ZNF514: variants seen among roughly 807,000 people sequenced by gnomAD.
ZNF514 encodes zinc finger protein 514.
In ZNF514, 12 loss-of-function variants were observed where a neutral mutation model predicts 9.7. The ratio of observed to expected loss-of-function variants is 1.24; its 90% CI spans 0.79 to 2.01. The LOEUF is 2.01. Among genes scored for constraint, ZNF514 ranks in the 30% most tolerant of loss-of-function variants. ZNF514 has a pLI of 0.00. For synonymous variants in ZNF514, 158 were observed against 163.7 expected (o/e 0.97, Z 0.27); for missense variants, 467 against 465.5 (o/e 1.00, Z -0.03).
At chr2:95,126,690 T>C in the ZNF514 span, among the ~76,000 whole-genome samples, 1 of 152,240 alleles carries the variant, frequency 6.6e-6, no homozygotes, top group Non-Finnish European at 1.5e-5. Flanking sequence ...GCTCATTTTC[T>C]AGTTGGATTG....
the ZNF514 span, among the ~76,000 whole-genome samples, chr2:95,138,219 G>T: frequency 6.6e-6 from 1 of 152,220 alleles, no homozygotes; most frequent in Non-Finnish European, 1.5e-5. Context: ...GTGGGACATT[G>T]CTATAAAGAT....
chr2:95,158,731 G>A, intron 1 of ZNF514: 1 of 1,017,302 alleles, frequency 9.8e-7, no homozygotes, highest in South Asian at 1.7e-5. Flanking sequence ...AATTTTCCAT[G>A]GCCATCCCCT....
At chr2:95,155,697 G>A (rs1387943113) in intron 2 of ZNF514, 1 of 152,096 alleles carries the variant, frequency 6.6e-6, no homozygotes, top group Non-Finnish European at 1.5e-5. Flanking sequence ...TGAATTATTC[G>A]CTTAACATAA....
At chr2:95,152,628 C>T (rs758946354) in intron 4 of ZNF514, 46 bp downstream of exon 4, 2 of 1,551,598 alleles carry the variant, frequency 1.3e-6, no homozygotes, top group African/African-American at 1.4e-5. Context: ...TACCTCCCAC[C>T]CCAGCTGGGC....
chr2:95,131,202 C>A, the ZNF514 span, among the ~76,000 whole-genome samples: 4 of 152,184 alleles, frequency 2.6e-5, no homozygotes, highest in Non-Finnish European at 5.9e-5. Flanking sequence ...GCTGCCTTGA[C>A]ATCTGGTGAA....
downstream of ZNF514, among the ~76,000 whole-genome samples, chr2:95,141,129 C>G (rs753547827): frequency 6.6e-6 from 1 of 151,968 alleles, no homozygotes; most frequent in Non-Finnish European, 1.5e-5. Context: ...TCATAAATCC[C>G]CACTAAAGAA....
At chr2:95,152,836 T>C (rs1418735510) in intron 3 of ZNF514, 67 bp from the exon 4 acceptor site, 11 of 1,401,844 alleles carry the variant, frequency 7.8e-6, no homozygotes, top group Non-Finnish European at 1.0e-5. Flanking sequence ...GATATTCATC[T>C]TCAAGGTGGA....
At chr2:95,142,817 T>C (rs1219897532), downstream of ZNF514, among the ~76,000 whole-genome samples, 1 of 152,226 alleles carries the variant, frequency 6.6e-6, no homozygotes, top group Non-Finnish European at 1.5e-5. Flanking sequence ...GAAAAAGACC[T>C]ATCACTAACT....
At chr2:95,143,493 T>C (rs2001254), downstream of ZNF514, among the ~76,000 whole-genome samples, 120,582 of 151,990 alleles carry the variant, frequency 0.79, 48,172 homozygotes, top group African/African-American at 0.87. Flanking sequence ...GTGGTGCATG[T>C]CTGTAATCCC....
the ZNF514 span, among the ~76,000 whole-genome samples, chr2:95,126,371 C>CAAAAAAAAAAAAAAAAAAAAA: frequency 1.9e-5 from 1 of 51,412 alleles, no homozygotes; most frequent in Non-Finnish European, 3.7e-5. Flanking sequence ...AACTCCATCT[C>CAAAAAAAAAAAAAAAAAAAAA]AAAAAAAAAA....
rs969214192 is a variant in ZNF514 at position 95,149,577 on chromosome 2, A to C, written c.908T>G (p.Leu303Arg). 4 of 1,614,068 alleles carry C rather than the reference A, an allele frequency of 2.5e-6. No homozygotes were observed. The highest frequency in any genetic ancestry group is 3.3e-5 in the Admixed American group (2 of 60,018). ...AGTATGAGTCCTCTGATGCTTAATA[A>C]GGGATGAAGTGTGACCAAAGGCTCG... ...CGRAFGHTSSLIKHQRTHTGE... is the reference protein window; with the variant it reads ...CGRAFGHTSSRIKHQRTHTGE... Residue 303 changes from leucine to arginine, a missense_variant, in exon 5 of 5, where the codon CTT becomes CGT. By Grantham distance (102) the Leu-to-Arg change is moderately radical. Coordinates refer to ENST00000295208, the MANE Select transcript of ZNF514 (RefSeq NM_032788.3).
the ZNF514 span, among the ~76,000 whole-genome samples, chr2:95,129,773 C>T: frequency 1.3e-5 from 2 of 152,132 alleles, no homozygotes; most frequent in East Asian, 3.9e-4. Flanking sequence ...AGAGAGTCCA[C>T]AAGACCAGAG....
chr2:95,136,117 T>C, the ZNF514 span, among the ~76,000 whole-genome samples: 1 of 152,222 alleles, frequency 6.6e-6, no homozygotes. Flanking sequence ...TTTTTGTATA[T>C]TGATCTTGTA....
In ZNF514 at chr2:95,149,334, G is replaced by T. The variant is rs745570061; in HGVS notation, c.1151C>A (p.Thr384Asn). 3 of 1,609,288 alleles carry T rather than the reference G, an allele frequency of 1.9e-6. No individual in the cohort carries two copies. In the African/African-American group the frequency reaches 4.0e-5, roughly 22 times the overall value. The change falls in exon 5 of 5, where the codon ACT becomes AAT. Residue 384 changes from threonine to asparagine, a missense_variant. Physicochemically the swap from Thr to Asn is moderately conservative, Grantham distance 65. Transcript: ENST00000295208. Reference protein sequence around the residue: ...CNECGRAFAHTASLIKHQRSH... With the variant: ...CNECGRAFAHNASLIKHQRSH... ...TCTCTGATGTTTAATAAGGGATGCA[G>T]TATGAGCAAAGGCCCTTCCACACTC...
chr2:95,138,111 G>C, the ZNF514 span, among the ~76,000 whole-genome samples: 1 of 152,180 alleles, frequency 6.6e-6, no homozygotes, highest in Non-Finnish European at 1.5e-5. Flanking sequence ...GCAGAACTAT[G>C]AACCAGTTGA....
At chr2:95,129,664 A>G in the ZNF514 span, among the ~76,000 whole-genome samples, 3 of 152,176 alleles carry the variant, frequency 2.0e-5, no homozygotes, top group African/African-American at 7.2e-5. Context: ...TTCATTGGAC[A>G]GGGATTCCAC....
chr2:95,142,157 A>G (rs376444779), downstream of ZNF514, among the ~76,000 whole-genome samples: 4 of 152,326 alleles, frequency 2.6e-5, no homozygotes, highest in East Asian at 7.7e-4. Context: ...CCTAAACAGT[A>G]GCCAGTACCC....
Position 95,145,188 on chromosome 2 carries a change from C to T in ZNF514, c.*4094G>A, listed in dbSNP as rs1281186717. Among the ~76,000 whole-genome samples, 2 of 152,142 alleles carry T rather than the reference C, an allele frequency of 1.3e-5. No individual in the cohort carries two copies. Among genetic ancestry groups the T allele is most frequent in the Non-Finnish European group, 2.9e-5 (2 of 68,032 alleles). On this transcript the variant is annotated 3_prime_UTR_variant, in exon 5 of 5. Transcript: ENST00000295208. The stretch of plus-strand genomic sequence containing the variant: ...ATTCTAAGCACACAACCAACTGAAT[C>T]GACCCTTCCACTTGGCCAAGAGCAT...
At chr2:95,143,544 G>A (rs1239040023), downstream of ZNF514, among the ~76,000 whole-genome samples, 5 of 152,110 alleles carry the variant, frequency 3.3e-5, no homozygotes, top group African/African-American at 4.8e-5. Flanking sequence ...GCTTGAACCC[G>A]GGAGGCAGAA....
Sources: allele counts gnomAD v4.1 joint callset (sites outside exome capture counted in the v4.1 genomes callset), GRCh38; gene constraint gnomAD v4.1.1; transcripts MANE v1.5; gene names NCBI Gene and HGNC (gene_info 2026-07-23, HGNC 2026-07-21).